AKR1C3: variants seen among roughly 807,000 people sequenced by gnomAD.
AKR1C3 encodes the protein 3-alpha hydroxysteroid dehydrogenase, type II.
AKR1C3 carries 48 observed loss-of-function variants against 43.6 expected under a neutral mutation model. The ratio of observed to expected loss-of-function variants is 1.10; its 90% confidence interval spans 0.87 to 1.40. The LOEUF (loss-of-function observed/expected upper bound fraction) is 1.40, where lower values mean the gene tolerates loss of function less well. AKR1C3 is among the 40% of genes most tolerant of loss of function. The pLI is 0.00. For synonymous variants in AKR1C3, 162 were observed against 139.6 expected (o/e 1.16, Z -1.13); for missense variants, 482 against 391.2 (o/e 1.23, Z -1.96).
chr10:5,083,595 T>C lies in AKR1C3; in HGVS notation c.85-12815T>C, dbSNP rs1838886025. On this transcript the variant is annotated intron_variant, in intron 1 of 8. Transcript: ENST00000439082. Reference sequence around the variant, plus strand: ...TATAATCCTTTGGGTATATACCCAGTAATGGGATGGCTGGGTCAAATGGTA... The same window carrying C: ...TATAATCCTTTGGGTATATACCCAGCAATGGGATGGCTGGGTCAAATGGTA... 2.0e-5 allele frequency among the ~76,000 whole-genome samples: 3 copies of C among 152,186 alleles called. No homozygotes were observed. In the South Asian group the frequency reaches 6.2e-4, roughly 32 times the overall value.
At chr10:5,067,789 GATT>G (rs1418487852) in intron 1 of AKR1C3, among the ~76,000 whole-genome samples, 1 of 152,126 alleles carries the variant, frequency 6.6e-6, no homozygotes, top group Non-Finnish European at 1.5e-5. Context: ...ACTCAAATTG[GATT>G]ATTTTATCTT....
At chr10:5,091,128 C>T (rs923354905), upstream of AKR1C3, among the ~76,000 whole-genome samples, 3 of 151,408 alleles carry the variant, frequency 2.0e-5, no homozygotes, top group African/African-American at 4.9e-5. Context: ...AAGAAGAAAA[C>T]GGAGTAAAAT....
intron 3 of AKR1C3, chr10:5,097,997 A>G: frequency 1.3e-5 from 13 of 1,012,832 alleles, no homozygotes; most frequent in Non-Finnish European, 1.5e-5. Flanking sequence ...TAAATTAGAA[A>G]CCCTTAATGT....
chr10:5,055,055 A>G (rs1056836980), intron 1 of AKR1C3, among the ~76,000 whole-genome samples: 1 of 152,226 alleles, frequency 6.6e-6, no homozygotes, highest in Non-Finnish European at 1.5e-5. Flanking sequence ...CTGTATACAC[A>G]TTTATTCTTT....
intron 1 of AKR1C3, among the ~76,000 whole-genome samples, chr10:5,086,702 T>A (rs1838974032): frequency 6.6e-6 from 1 of 152,176 alleles, no homozygotes; most frequent in Non-Finnish European, 1.5e-5. Flanking sequence ...TATTATTGTG[T>A]GGGAATCTAA....
At chr10:5,049,096 T>C (rs1838097513) in intron 1 of AKR1C3, among the ~76,000 whole-genome samples, 1 of 142,710 alleles carries the variant, frequency 7.0e-6, no homozygotes, top group Non-Finnish European at 1.5e-5. Flanking sequence ...CATGGTCATC[T>C]ACTGTTTATT....
upstream of AKR1C3, chr10:5,093,773 A>C (rs966329873): frequency 6.6e-6 from 1 of 152,168 alleles, no homozygotes; most frequent in Admixed American, 6.6e-5. Flanking sequence ...AAACTACACC[A>C]GAATTTCTTT....
At position 5,102,218 on chromosome 10, in the gene AKR1C3, A is replaced by G. The variant is rs373823498; in HGVS notation, c.680+8A>G. The G allele has an allele frequency of 5.6e-6, 9 of 1,607,598 alleles. No homozygotes were observed. In the African/African-American group the frequency reaches 1.1e-4, roughly 19 times the overall value. On this transcript the variant is annotated splice_region_variant and intron_variant, in intron 6 of 8. Coordinates refer to ENST00000380554, the MANE Select transcript of AKR1C3 (RefSeq NM_003739.6). Reference sequence around the variant, plus strand: ...TCAACGAGACAAACGATGGTAATAAAAACAATGGGACCTTTACATAAACCT... The same window carrying G: ...TCAACGAGACAAACGATGGTAATAAGAACAATGGGACCTTTACATAAACCT...
intron 1 of AKR1C3, among the ~76,000 whole-genome samples, chr10:5,086,498 A>G (rs1415828721): frequency 1.3e-5 from 2 of 151,710 alleles, no homozygotes; most frequent in Non-Finnish European, 2.9e-5. Flanking sequence ...ACTTCTAACT[A>G]TGTGGTCAAT....
intron 1 of AKR1C3, among the ~76,000 whole-genome samples, chr10:5,068,695 T>G (rs1254440682): frequency 6.6e-6 from 1 of 152,072 alleles, no homozygotes; most frequent in Non-Finnish European, 1.5e-5. Context: ...CAACTCCCCA[T>G]GGAGAGGGGG....
intron 1 of AKR1C3, among the ~76,000 whole-genome samples, chr10:5,088,819 T>TA (rs1554783627): frequency 6.6e-6 from 1 of 152,006 alleles, no homozygotes; most frequent in East Asian, 1.9e-4. Context: ...TTAACCTAGA[T>TA]ATATGAGCTT....
chr10:5,058,760 G>A (rs1838316167), intron 1 of AKR1C3, among the ~76,000 whole-genome samples: 1 of 152,198 alleles, frequency 6.6e-6, no homozygotes, highest in African/African-American at 2.4e-5. Context: ...GACCAAGGAA[G>A]GTTGGATTTA....
At chr10:5,063,764 G>GAAAAAAAAAAAAAAAAAAAAAAAAAAAAA (rs1406943359) in intron 1 of AKR1C3, among the ~76,000 whole-genome samples, 3 of 33,446 alleles carry the variant, frequency 9.0e-5, no homozygotes, top group African/African-American at 1.3e-4. Context: ...CTCTGTCTCA[G>GAAAAAAAAAAAAAAAAAAAAAAAAAAAAA]CAAAAAAAAA....
intron 1 of AKR1C3, 152 bp downstream of exon 1, chr10:5,094,680 C>G (rs1190132860): frequency 7.7e-6 from 6 of 776,416 alleles, no homozygotes; most frequent in South Asian, 5.0e-5. Context: ...GTAGGCAATC[C>G]TTGTTCTGCA....
chr10:5,102,028 T>C, intron 5 of AKR1C3, 73 bp from the exon 6 acceptor site: 1 of 971,468 alleles, frequency 1.0e-6, no homozygotes, highest in South Asian at 1.4e-5. Flanking sequence ...TTCAGCTTCC[T>C]TACTTTCATC....
rs587648242 is a variant in AKR1C3 at position 5,104,500 on chromosome 10, T to G, written c.847-1095T>G. Among the ~76,000 whole-genome samples the G allele has an allele frequency of 1.2e-4, 18 of 152,060 alleles. No homozygotes were observed. In the South Asian group the frequency reaches 3.7e-3, roughly 32 times the overall value. ...CTGTCTAAATAATGAAAGGTCTTGC[T>G]ACCAGAATGGTACAACTTTTTTTCT... On this transcript the variant is annotated intron_variant, in intron 7 of 8. Transcript: ENST00000380554.
chr10:5,078,476 G>A (rs1358320678), intron 1 of AKR1C3, among the ~76,000 whole-genome samples: 1 of 152,134 alleles, frequency 6.6e-6, no homozygotes, highest in Non-Finnish European at 1.5e-5. Flanking sequence ...AATCATAAAA[G>A]CGAGATAGTT....
chr10:5,100,229 G>C (rs1368222174), intron 5 of AKR1C3, among the ~76,000 whole-genome samples: 1 of 152,232 alleles, frequency 6.6e-6, no homozygotes, highest in African/African-American at 2.4e-5. Flanking sequence ...AGGAGGCAGA[G>C]ATTGCGGTGA....
intron 1 of AKR1C3, among the ~76,000 whole-genome samples, chr10:5,076,645 G>A (rs1838719516): frequency 6.6e-6 from 1 of 152,070 alleles, no homozygotes; most frequent in African/African-American, 2.4e-5. Flanking sequence ...ACTATCACAT[G>A]CTCTGTACTA....
Sources: gnomAD v4.1 joint callset for allele counts (sites outside exome capture counted in the v4.1 genomes callset) on GRCh38, gnomAD v4.1.1 for gene constraint, MANE v1.5 for transcripts, NCBI Gene and HGNC (gene_info 2026-07-23, HGNC 2026-07-21) for gene names.